CNTN5: variants seen among roughly 807,000 people sequenced by gnomAD.
The protein encoded by CNTN5 is contactin 5.
In CNTN5, 77 loss-of-function variants were observed where a neutral mutation model predicts 129.1. That is an observed-to-expected ratio of 0.60 (90% confidence interval 0.50 to 0.72). CNTN5 has a LOEUF of 0.72. Among genes scored for constraint, CNTN5 ranks in the 30% least tolerant of loss-of-function variants. CNTN5 has a pLI of 0.00. For synonymous variants in CNTN5, 509 were observed against 465.6 expected (o/e 1.09, Z -1.20); for missense variants, 1,478 against 1,328.8 (o/e 1.11, Z -1.75).
chr11:99,039,495 C>A (rs1039323327), intron 1 of CNTN5, among the ~76,000 whole-genome samples: 1 of 152,020 alleles, frequency 6.6e-6, no homozygotes, highest in Non-Finnish European at 1.5e-5. Flanking sequence ...CACTTTGCCT[C>A]AATAGAAAAC....
At chr11:100,041,500 T>A (rs1942377794) in intron 9 of CNTN5, among the ~76,000 whole-genome samples, 1 of 152,220 alleles carries the variant, frequency 6.6e-6, no homozygotes, top group Non-Finnish European at 1.5e-5. Flanking sequence ...TCTTGGCTAC[T>A]TTCAAACTTA....
At chr11:99,778,356 C>T (rs77397050) in intron 3 of CNTN5, among the ~76,000 whole-genome samples, 2,181 of 151,582 alleles carry the variant, frequency 0.014, 54 homozygotes, top group African/African-American at 0.048. Flanking sequence ...TACTCTAAAA[C>T]CACAGTTAAA....
chr11:99,869,184 T>G (rs1336371103), intron 6 of CNTN5, among the ~76,000 whole-genome samples: 10 of 152,234 alleles, frequency 6.6e-5, no homozygotes, highest in Non-Finnish European at 1.3e-4. Context: ...GTTTAGGTCT[T>G]TGAATGTTTA....
intron 3 of CNTN5, among the ~76,000 whole-genome samples, chr11:99,678,577 A>G (rs1050435641): frequency 4.6e-5 from 7 of 152,134 alleles, no homozygotes; most frequent in African/African-American, 1.7e-4. Flanking sequence ...ATTACACACA[A>G]AATCACATCA....
chr11:99,858,265 A>G (rs563707499), intron 6 of CNTN5, among the ~76,000 whole-genome samples: 76 of 152,176 alleles, frequency 5.0e-4, no homozygotes, highest in Non-Finnish European at 9.3e-4. Flanking sequence ...AGTAAAGAGC[A>G]TCACGAGGTC....
intron 3 of CNTN5, among the ~76,000 whole-genome samples, chr11:99,560,268 G>GTAT (rs35741733): frequency 0.14 from 19,579 of 141,762 alleles, 1,489 homozygotes; most frequent in South Asian, 0.24. Flanking sequence ...GAATCTAACT[G>GTAT]TATTATTATT....
chr11:99,168,729 TCAAA>T (rs1861007554), intron 1 of CNTN5, among the ~76,000 whole-genome samples: 1 of 152,202 alleles, frequency 6.6e-6, no homozygotes, highest in African/African-American at 2.4e-5. Flanking sequence ...ATACTGGTAA[TCAAA>T]CAAACATTAA....
chr11:100,015,905 G>T (rs193082176), intron 9 of CNTN5, among the ~76,000 whole-genome samples: 13 of 152,072 alleles, frequency 8.5e-5, no homozygotes, highest in Non-Finnish European at 1.6e-4. Flanking sequence ...ATTATATGAT[G>T]TCAGAAATAT....
intron 1 of CNTN5, among the ~76,000 whole-genome samples, chr11:99,036,409 A>T (rs923123215): frequency 3.3e-5 from 5 of 152,106 alleles, no homozygotes; most frequent in Admixed American, 3.3e-4. Context: ...TTCTTAATAT[A>T]ATTTTGGGTA....
intron 3 of CNTN5, among the ~76,000 whole-genome samples, chr11:99,627,986 A>C (rs1951191423): frequency 1.3e-5 from 2 of 150,054 alleles, no homozygotes; most frequent in Non-Finnish European, 3.0e-5. Context: ...TTTCATTCTT[A>C]TTTGTGTTGG....
intron 3 of CNTN5, among the ~76,000 whole-genome samples, chr11:99,794,195 T>TA (rs1206839706): frequency 1.4e-5 from 2 of 141,588 alleles, no homozygotes; most frequent in African/African-American, 5.1e-5. Flanking sequence ...TTTTTTTTTT[T>TA]AATCTTCGTA....
At chr11:99,386,485 C>T (rs758814903) in intron 2 of CNTN5, among the ~76,000 whole-genome samples, 1 of 151,990 alleles carries the variant, frequency 6.6e-6, no homozygotes, top group Non-Finnish European at 1.5e-5. Context: ...TGTAAACTGT[C>T]GTGACACCGG....
chr11:99,164,480 A>G (rs1024204466), intron 1 of CNTN5, among the ~76,000 whole-genome samples: 2 of 152,190 alleles, frequency 1.3e-5, no homozygotes, highest in Non-Finnish European at 2.9e-5. Flanking sequence ...TGTAATATTT[A>G]TGAACATTCA....
chr11:100,258,669 C>T (rs916819438), intron 17 of CNTN5, among the ~76,000 whole-genome samples: 1 of 152,244 alleles, frequency 6.6e-6, no homozygotes, highest in Admixed American at 6.5e-5. Flanking sequence ...GAATTTTCAA[C>T]CCAGAATTTC....
At chr11:100,087,893 C>G (rs1424555172) in intron 13 of CNTN5, among the ~76,000 whole-genome samples, 1 of 151,352 alleles carries the variant, frequency 6.6e-6, no homozygotes, top group Non-Finnish European at 1.5e-5. Flanking sequence ...TCTTAATAAA[C>G]TAAAAAAATA....
chr11:99,465,394 C>T (rs1190662396), intron 2 of CNTN5, among the ~76,000 whole-genome samples: 1 of 152,064 alleles, frequency 6.6e-6, no homozygotes, highest in Admixed American at 6.5e-5. Context: ...ACACTTCTAG[C>T]CCTTGCACTT....
intron 2 of CNTN5, among the ~76,000 whole-genome samples, chr11:99,333,108 G>C (rs1197006753): frequency 1.3e-5 from 2 of 151,966 alleles, no homozygotes; most frequent in Non-Finnish European, 2.9e-5. Context: ...TCAGTGTTTA[G>C]TCAAATCTAT....
chr11:100,236,211 C>G (rs1949610021), intron 16 of CNTN5, among the ~76,000 whole-genome samples: 1 of 152,190 alleles, frequency 6.6e-6, no homozygotes, highest in African/African-American at 2.4e-5. Flanking sequence ...CCCCCACACT[C>G]CCTTGTACCT....
chr11:99,466,386 TTTA>T (rs1944944194), intron 2 of CNTN5, among the ~76,000 whole-genome samples: 1 of 152,162 alleles, frequency 6.6e-6, no homozygotes, highest in Non-Finnish European at 1.5e-5. Context: ...TTCTGGGATT[TTTA>T]TTATTCTAAA....
Sources: allele counts gnomAD v4.1 joint callset (sites outside exome capture counted in the v4.1 genomes callset), GRCh38; gene constraint gnomAD v4.1.1; transcripts MANE v1.5; gene names NCBI Gene and HGNC (gene_info 2026-07-23, HGNC 2026-07-21).